Variants in QRSL1 observed in about 807,000 individuals in gnomAD.
QRSL1 encodes the protein glutamyl-tRNA(Gln) amidotransferase subunit A, mitochondrial.
Under a neutral mutation model 61.6 loss-of-function variants are expected in QRSL1, and 54 were observed. That is an observed-to-expected ratio of 0.88 (90% CI 0.70 to 1.10). The LOEUF (loss-of-function observed/expected upper bound fraction) is 1.10. Ranked by LOEUF, QRSL1 falls within the 50% of genes least tolerant of loss-of-function variation. QRSL1 has a pLI of 0.00. For missense variants in QRSL1, 505 were observed against 622.6 expected, an observed-to-expected ratio of 0.81 and a Z score of 2.01; for synonymous variants, 228 against 225.7, an observed-to-expected ratio of 1.01 and a Z score of -0.09.
intron 4 of QRSL1, among the ~76,000 whole-genome samples, chr6:106,646,240 C>T (rs1777103426): frequency 6.6e-6 from 1 of 152,110 alleles, no homozygotes; most frequent in South Asian, 2.1e-4. Context: ...AAATTGCCTT[C>T]ATCAGCTGAT....
chr6:106,649,790 A>G (rs926561913), intron 5 of QRSL1, among the ~76,000 whole-genome samples: 2 of 152,164 alleles, frequency 1.3e-5, no homozygotes, highest in Non-Finnish European at 2.9e-5. Flanking sequence ...GTAAGAATCC[A>G]TTGATCATAT....
intron 1 of QRSL1, among the ~76,000 whole-genome samples, chr6:106,630,451 T>G (rs1776798756): frequency 6.6e-6 from 1 of 152,220 alleles, no homozygotes; most frequent in Non-Finnish European, 1.5e-5. Flanking sequence ...AATAAATCAC[T>G]AAGCCCTCTT....
intron 1 of QRSL1, among the ~76,000 whole-genome samples, chr6:106,638,371 C>T (rs77897315): frequency 0.041 from 6,262 of 152,114 alleles, 156 homozygotes; most frequent in South Asian, 0.1. Context: ...TTGGCACGAT[C>T]TCACCTCACC....
chr6:106,654,363 A>AT (rs1777233713), intron 7 of QRSL1, among the ~76,000 whole-genome samples: 1 of 152,104 alleles, frequency 6.6e-6, no homozygotes, highest in Non-Finnish European at 1.5e-5. Flanking sequence ...AAAAAAAAAA[A>AT]GAAAATCATC....
At chr6:106,657,753 T>C (rs1476461334) in intron 9 of QRSL1, among the ~76,000 whole-genome samples, 1 of 152,200 alleles carries the variant, frequency 6.6e-6, no homozygotes. Flanking sequence ...TCACCCAGGC[T>C]GGAGTGCAAT....
rs781274096 is a variant in QRSL1, at chr6:106,655,596, AC to A, written c.1043-16del. On this transcript the variant is annotated intron_variant, in intron 8 of 10. Transcript: ENST00000369046. ...CTTTACTTCCTTTCAAGTAATGTTT[AC>A]CCTTTTCTTGTTTTCAGGTCACAGA... 33 of 1,509,932 alleles carry A rather than the reference AC, an allele frequency of 2.2e-5. No individual in the cohort carries two copies. Among genetic ancestry groups the A allele is most frequent in the Non-Finnish European group, 2.9e-5 (32 of 1,089,626 alleles). 93.5% of individuals were successfully genotyped at this position (1,509,932 alleles called of 1,614,324 possible). A position where few individuals can be genotyped will look rare whatever the true frequency, so the allele number is the denominator to read the frequency against.
Position 106,629,612 on chromosome 6 carries a change from T to C in QRSL1, c.-70T>C. 6.5e-7 allele frequency: 1 copy of C among 1,549,532 alleles called. No individual in the cohort carries two copies. On this transcript the variant is annotated 5_prime_UTR_variant, in exon 1 of 11. Transcript: ENST00000369046. Reference sequence around the variant, plus strand: ...TAAAGATGGCTGCGCCCATGTAACATCACTAGCGACCGGTGACCTCTTTTT... The same window carrying C: ...TAAAGATGGCTGCGCCCATGTAACACCACTAGCGACCGGTGACCTCTTTTT...
intron 1 of QRSL1, among the ~76,000 whole-genome samples, chr6:106,630,672 A>G (rs1416770781): frequency 1.3e-5 from 2 of 152,134 alleles, no homozygotes; most frequent in Non-Finnish European, 2.9e-5. Flanking sequence ...TAAGTTCGGG[A>G]GTATGGTTTA....
intron 3 of QRSL1, among the ~76,000 whole-genome samples, chr6:106,642,051 TTTTGTTTG>T (rs571952071): frequency 9.2e-5 from 14 of 152,150 alleles, no homozygotes; most frequent in Non-Finnish European, 1.6e-4. Flanking sequence ...ATTTTTTGTT[TTTTGTTTG>T]TTTGTTTGTT....
intron 4 of QRSL1, 56 bp downstream of exon 4, chr6:106,643,146 C>A: frequency 8.3e-7 from 1 of 1,206,550 alleles, no homozygotes; most frequent in Non-Finnish European, 1.2e-6. Context: ...TTTATTTTCA[C>A]TAAATGTAGT....
chr6:106,649,995 AT>A (rs1777168619), intron 5 of QRSL1, among the ~76,000 whole-genome samples: 2 of 152,242 alleles, frequency 1.3e-5, no homozygotes, highest in South Asian at 4.1e-4. Context: ...AATCATTTAT[AT>A]TTTTTTAGAG....
At position 106,642,991 on chromosome 6, in the gene QRSL1, C is replaced by T; in HGVS notation, c.284-3C>T. 1 of 1,584,502 alleles carries T rather than the reference C, an allele frequency of 6.3e-7. No individual in the cohort carries two copies. Among genetic ancestry groups the T allele is most frequent in the Non-Finnish European group, 8.6e-7 (1 of 1,167,776 alleles). On this transcript the variant is annotated splice_region_variant and splice_polypyrimidine_tract_variant and intron_variant, in intron 3 of 10. Coordinates refer to ENST00000369046, the MANE Select transcript of QRSL1 (RefSeq NM_018292.5). ...AAAATAATAGTAACTAAATTTTTTT[C>T]AGGTTATATACCACCTTATAATGCT...
intron 4 of QRSL1, among the ~76,000 whole-genome samples, chr6:106,646,187 A>G (rs182458210): frequency 1.2e-3 from 188 of 152,328 alleles, no homozygotes; most frequent in Non-Finnish European, 2.0e-3. Context: ...TATATGTTGA[A>G]TGAACTAATC....
At chr6:106,647,774 C>G (rs200042970) in intron 4 of QRSL1, among the ~76,000 whole-genome samples, 1 of 145,496 alleles carries the variant, frequency 6.9e-6, no homozygotes, top group Non-Finnish European at 1.5e-5. Context: ...CCTCAGCCTC[C>G]CGAGTAGCTG....
At chr6:106,643,884 T>G (rs1018591084) in intron 4 of QRSL1, among the ~76,000 whole-genome samples, 2 of 151,906 alleles carry the variant, frequency 1.3e-5, no homozygotes, top group Non-Finnish European at 2.9e-5. Context: ...TTCTTTTTTT[T>G]TTTTGAGACA....
chr6:106,645,441 G>A (rs1325652796), intron 4 of QRSL1, among the ~76,000 whole-genome samples: 1 of 136,546 alleles, frequency 7.3e-6, no homozygotes, highest in Admixed American at 7.4e-5. Flanking sequence ...TTTTTTTTTT[G>A]AGACAGAATC....
At chr6:106,648,129 C>G (rs1393999956) in intron 4 of QRSL1, among the ~76,000 whole-genome samples, 3 of 151,558 alleles carry the variant, frequency 2.0e-5, no homozygotes, top group Non-Finnish European at 4.4e-5. Flanking sequence ...AACCCCGTCT[C>G]TACTGAAAAT....
In QRSL1 at chr6:106,655,705, T is replaced by G; in HGVS notation, c.1133T>G (p.Leu378Arg). The stretch of plus-strand genomic sequence containing the variant: ...AATGATGTGGTGAGAGGAAGAATTC[T>G]CTCAGGAAACTTTTTCTTATTAAAA... ...GFNDVVRGRILSGNFFLLKEN... is the reference protein window; with the variant it reads ...GFNDVVRGRIRSGNFFLLKEN... The change falls in exon 9 of 11, where the codon CTC becomes CGC. Residue 378 changes from leucine (L) to arginine (R), a missense_variant. Leu to Arg is a moderately radical substitution (Grantham distance 102, BLOSUM62 -2). Coordinates refer to ENST00000369046, the MANE Select transcript of QRSL1 (RefSeq NM_018292.5). 6.2e-7 allele frequency: 1 copy of G among 1,612,636 alleles called. No homozygotes were observed. The highest frequency in any genetic ancestry group is 8.5e-7 in the Non-Finnish European group (1 of 1,178,974).
In QRSL1 at chr6:106,654,626, C is replaced by A; in HGVS notation, c.850-104C>A. The A allele has an allele frequency of 5.1e-6, 5 of 983,694 alleles. No homozygotes were observed. The South Asian group carries it at 5.3e-5, about 10-fold the overall frequency. 60.9% of individuals were successfully genotyped at this position (983,694 alleles called of 1,614,324 possible). A position where few individuals can be genotyped will look rare whatever the true frequency, so the allele number is the denominator to read the frequency against. The stretch of plus-strand genomic sequence containing the variant: ...TATTTTCTAATGTATTACCAAAGGT[C>A]CTGAAGTACAGATTTTTATAAAATC... On this transcript the variant is annotated intron_variant, in intron 7 of 10. Coordinates refer to ENST00000369046, the MANE Select transcript of QRSL1 (RefSeq NM_018292.5).
Sources: allele counts gnomAD v4.1 joint callset (sites outside exome capture counted in the v4.1 genomes callset), GRCh38; gene constraint gnomAD v4.1.1; transcripts MANE v1.5; gene names NCBI Gene and HGNC (gene_info 2026-07-23, HGNC 2026-07-21).